Variants in NBEA observed in about 807,000 individuals in gnomAD.
The protein encoded by NBEA is neurobeachin, also known as lysosomal-trafficking regulator 2.
In NBEA, 44 loss-of-function variants were observed where a neutral mutation model predicts 343.4. The ratio of observed to expected loss-of-function variants is 0.13; its 90% CI spans 0.10 to 0.16. The LOEUF is 0.16. Among genes scored for constraint, NBEA ranks in the 10% least tolerant of loss-of-function variants. The pLI is 1.00. For synonymous variants in NBEA, 1,175 were observed against 1,238.7 expected, an observed-to-expected ratio of 0.95 and a Z score of 1.08; for missense variants, 2,555 against 3,631.3, an observed-to-expected ratio of 0.70 and a Z score of 7.62.
intron 18 of NBEA, among the ~76,000 whole-genome samples, chr13:35,144,732 A>T (rs966245825): frequency 1.3e-5 from 2 of 152,144 alleles, no homozygotes; most frequent in African/African-American, 4.8e-5. Context: ...TGGCAAGGGT[A>T]TGGAAATCTT....
chr13:35,017,237 T>C (rs1331959085), intron 1 of NBEA, among the ~76,000 whole-genome samples: 1 of 152,190 alleles, frequency 6.6e-6, no homozygotes, highest in African/African-American at 2.4e-5. Flanking sequence ...GAATCTGTTG[T>C]TTCTAGTTGT....
intron 1 of NBEA, among the ~76,000 whole-genome samples, chr13:34,971,607 C>T (rs1470359358): frequency 1.3e-5 from 2 of 152,090 alleles, no homozygotes; most frequent in Non-Finnish European, 2.9e-5. Flanking sequence ...TCTATTGAGA[C>T]AATCATGTGG....
At position 35,208,872 on chromosome 13, in the gene NBEA, T is replaced by G; in HGVS notation, c.5521+18T>G. On this transcript the variant is annotated intron_variant, in intron 32 of 58. Coordinates refer to ENST00000379939, the MANE Select transcript of NBEA (RefSeq NM_001385012.1). ...TACAACAGGTATTGTACTTACATAT[T>G]TTTGTGATACTCATCTTTTTATGTT... 6.7e-7 allele frequency: 1 copy of G among 1,486,792 alleles called. No individual in the cohort carries two copies. Among genetic ancestry groups the G allele is most frequent in the Non-Finnish European group, 9.1e-7 (1 of 1,103,018 alleles). The allele number at this position is 1,486,792 out of a possible 1,614,324, so 92.1% of individuals were successfully genotyped here. A position where few individuals can be genotyped will look rare whatever the true frequency, so the allele number is the denominator to read the frequency against.
chr13:35,279,326 A>G (rs1186527181), intron 34 of NBEA, among the ~76,000 whole-genome samples: 1 of 152,138 alleles, frequency 6.6e-6, no homozygotes, highest in Non-Finnish European at 1.5e-5. Flanking sequence ...TTTAGTGTCA[A>G]GAATGTGATG....
In NBEA at chr13:34,942,844, G is replaced by C. The variant is rs1250718026; in HGVS notation, c.24G>C (p.Pro8=). 9 of 1,365,500 alleles carry C rather than the reference G, an allele frequency of 6.6e-6. No homozygotes were observed. The East Asian group carries it at 1.8e-4, about 27-fold the overall frequency. The allele number at this position is 1,365,500 out of a possible 1,614,324, so 84.6% of individuals were successfully genotyped here. MASEKPG[P]GPGLEPQPVG... ...CAATGGCTAGCGAGAAGCCGGGCCC[G>C]GGCCCGGGGCTCGAGCCTCAGCCCG... is the stretch of plus-strand genomic sequence containing the variant. The change falls in exon 1 of 59, where the codon CCG becomes CCC. Residue 8 remains proline (P), a synonymous_variant. Coordinates refer to ENST00000379939, the MANE Select transcript of NBEA (RefSeq NM_001385012.1).
At chr13:35,458,753 G>A (rs971319349) in intron 40 of NBEA, among the ~76,000 whole-genome samples, 12 of 152,048 alleles carry the variant, frequency 7.9e-5, no homozygotes, top group East Asian at 1.9e-4. Context: ...TCTGGTAAAC[G>A]TGTCATTTTA....
intron 34 of NBEA, among the ~76,000 whole-genome samples, chr13:35,241,209 A>G (rs969523577): frequency 3.9e-5 from 6 of 151,946 alleles, no homozygotes; most frequent in African/African-American, 7.2e-5. Context: ...TATTATAGTT[A>G]AAACAGCATA....
chr13:35,425,370 GA>G (rs1277245145), intron 38 of NBEA, among the ~76,000 whole-genome samples: 1 of 152,172 alleles, frequency 6.6e-6, no homozygotes, highest in African/African-American at 2.4e-5. Context: ...TGGTTTCAAA[GA>G]ACATCTTTAT....
intron 17 of NBEA, among the ~76,000 whole-genome samples, chr13:35,140,408 G>A (rs2068021615): frequency 6.6e-6 from 1 of 152,264 alleles, no homozygotes; most frequent in Admixed American, 6.5e-5. Flanking sequence ...TCCTGATTGG[G>A]AGCAAAGGAA....
intron 36 of NBEA, among the ~76,000 whole-genome samples, chr13:35,334,572 G>C (rs553681786): frequency 6.6e-6 from 1 of 152,052 alleles, no homozygotes; most frequent in Admixed American, 6.6e-5. Flanking sequence ...GCCCAGCCTC[G>C]TTGTAGTTTT....
At chr13:35,650,318 C>G (rs1051346392) in intron 52 of NBEA, among the ~76,000 whole-genome samples, 1 of 152,140 alleles carries the variant, frequency 6.6e-6, no homozygotes, top group African/African-American at 2.4e-5. Context: ...CAGCAATAAA[C>G]AAAACAAGCA....
In NBEA at chr13:35,612,951, TTGTTTATATTTATGGGGTATAC is replaced by T. The variant is rs1259930758; in HGVS notation, c.7449+6377_7449+6398del. On this transcript the variant is annotated intron_variant, in intron 48 of 58. Coordinates refer to ENST00000379939, the MANE Select transcript of NBEA (RefSeq NM_001385012.1). ...TTTATTTTTAATTGACAATTAATAATTGTTTATATTTATGGGGTATACTGTGATCTTTTGATATATGTATACA... is the reference window on the plus strand; with the variant it reads ...TTTATTTTTAATTGACAATTAATAATTGTGATCTTTTGATATATGTATACA... 3.3e-5 allele frequency among the ~76,000 whole-genome samples: 5 copies of T among 152,142 alleles called. 1 individual carries two copies. The highest frequency in any genetic ancestry group is 3.3e-4 in the Admixed American group (5 of 15,282).
intron 1 of NBEA, among the ~76,000 whole-genome samples, chr13:35,005,400 G>T (rs1463223396): frequency 6.6e-6 from 1 of 152,134 alleles, no homozygotes; most frequent in Non-Finnish European, 1.5e-5. Flanking sequence ...AACCCTGTGA[G>T]ACTTTGGAGG....
chr13:35,037,274 A>C (rs1233280190), intron 1 of NBEA, among the ~76,000 whole-genome samples: 1 of 152,180 alleles, frequency 6.6e-6, no homozygotes, highest in Non-Finnish European at 1.5e-5. Context: ...TGTTCAATTT[A>C]TCTGATAGAA....
chr13:35,597,056 G>C (rs530255244), intron 47 of NBEA, among the ~76,000 whole-genome samples: 3 of 152,260 alleles, frequency 2.0e-5, no homozygotes, highest in Admixed American at 6.5e-5. Flanking sequence ...TGTCAGATTT[G>C]ATGCAATAGG....
intron 34 of NBEA, among the ~76,000 whole-genome samples, chr13:35,246,082 G>A (rs185810917): frequency 1.3e-5 from 2 of 152,182 alleles, no homozygotes; most frequent in Non-Finnish European, 2.9e-5. Flanking sequence ...CTGTTGCTAA[G>A]AGTTTCCAGT....
intron 41 of NBEA, among the ~76,000 whole-genome samples, chr13:35,516,976 T>C (rs1445230143): frequency 2.0e-5 from 3 of 152,194 alleles, no homozygotes; most frequent in Admixed American, 1.3e-4. Context: ...CCAAAGATCA[T>C]GTTCTTTCAA....
intron 34 of NBEA, among the ~76,000 whole-genome samples, chr13:35,258,519 C>T (rs1284953433): frequency 2.1e-5 from 3 of 141,984 alleles, no homozygotes; most frequent in African/African-American, 7.4e-5. Flanking sequence ...ACCATAAAAT[C>T]TGTTCTTAAT....
chr13:35,359,053 A>C lies in NBEA; in HGVS notation c.6179+6730A>C, dbSNP rs868820629. 2.0e-5 allele frequency among the ~76,000 whole-genome samples: 3 copies of C among 152,186 alleles called. No homozygotes were observed. In the South Asian group the frequency reaches 6.2e-4, roughly 31 times the overall value. On this transcript the variant is annotated intron_variant, in intron 38 of 58. Coordinates refer to ENST00000379939, the MANE Select transcript of NBEA (RefSeq NM_001385012.1). ...AGAATAACATGAGCCAGATGATTTA[A>C]AGTCCTGTTCAATCACGTTAAGGAT... is the stretch of plus-strand genomic sequence containing the variant.
Sources: gnomAD v4.1 joint callset for allele counts (sites outside exome capture counted in the v4.1 genomes callset) on GRCh38, gnomAD v4.1.1 for gene constraint, MANE v1.5 for transcripts, NCBI Gene and HGNC (gene_info 2026-07-23, HGNC 2026-07-21) for gene names.